NME7: variants seen among roughly 807,000 people sequenced by gnomAD.
The protein encoded by NME7 is NME/NM23 family member 7, also known as nucleoside diphosphate kinase 7.
A neutral mutation model predicts 49.1 loss-of-function variants in NME7; 41 were observed. The ratio of observed to expected loss-of-function variants is 0.83; its 90% CI spans 0.65 to 1.08. NME7 has a LOEUF of 1.08. Among genes scored for constraint, NME7 ranks in the 50% least tolerant of loss-of-function variants. The probability of loss-of-function intolerance (pLI) is 0.00; values close to 1 mark genes in which losing one functional copy is unlikely to be tolerated. For synonymous variants in NME7, 139 were observed against 150.6 expected (o/e 0.92, Z 0.56); for missense variants, 423 against 463.4 (o/e 0.91, Z 0.80).
At chr1:169,224,749 T>A (rs1459517364) in intron 10 of NME7, among the ~76,000 whole-genome samples, 1 of 152,184 alleles carries the variant, frequency 6.6e-6, no homozygotes, top group Non-Finnish European at 1.5e-5. Context: ...ATCAACTATT[T>A]ATCAAGTGTT....
At chr1:169,331,948 G>A (rs1449031347) in intron 1 of NME7, among the ~76,000 whole-genome samples, 2 of 151,764 alleles carry the variant, frequency 1.3e-5, no homozygotes, top group East Asian at 1.9e-4. Context: ...GTTCTTCAAA[G>A]AATAGAAATA....
chr1:169,134,382 G>A (rs1658358605), intron 11 of NME7, among the ~76,000 whole-genome samples: 1 of 152,024 alleles, frequency 6.6e-6, no homozygotes, highest in Non-Finnish European at 1.5e-5. Flanking sequence ...TATCTCCCTT[G>A]GGGTGTTCTT....
At chr1:169,183,860 AT>A (rs1368126323) in intron 10 of NME7, among the ~76,000 whole-genome samples, 2 of 152,170 alleles carry the variant, frequency 1.3e-5, no homozygotes, top group African/African-American at 4.8e-5. Flanking sequence ...GTATTATCCT[AT>A]TAATGAGAAC....
chr1:169,282,254 C>T (rs779146813), intron 7 of NME7, among the ~76,000 whole-genome samples: 2 of 152,192 alleles, frequency 1.3e-5, no homozygotes, highest in African/African-American at 2.4e-5. Flanking sequence ...TTAAAATATT[C>T]TCTGACGGTA....
chr1:169,320,075 A>T (rs1379911357), intron 3 of NME7, among the ~76,000 whole-genome samples: 2 of 152,190 alleles, frequency 1.3e-5, no homozygotes. Context: ...ACATATACAT[A>T]TTGACTCATC....
chr1:169,311,288 G>A (rs557797676), intron 3 of NME7, among the ~76,000 whole-genome samples: 11 of 151,856 alleles, frequency 7.2e-5, no homozygotes, highest in Admixed American at 7.2e-4. Context: ...CAAGGTGGCG[G>A]GCTACTACTA....
At position 169,270,041 on chromosome 1, in the gene NME7, G is replaced by A. The variant is rs551039809; in HGVS notation, c.754+17262C>T. On this transcript the variant is annotated intron_variant, in intron 7 of 11. Transcript: ENST00000367811. ...CTACCTCGGCCTCCTAGAGTACTGGGATTACTGGCATGAGCCACCATGCCT... is the reference window on the plus strand; with the variant it reads ...CTACCTCGGCCTCCTAGAGTACTGGAATTACTGGCATGAGCCACCATGCCT... 3.9e-3 allele frequency among the ~76,000 whole-genome samples: 518 copies of A among 133,290 alleles called. 67 individuals are homozygous for A. The highest frequency in any genetic ancestry group is 0.012 in the African/African-American group (476 of 39,456). 87.4% of individuals were successfully genotyped at this position (133,290 alleles called of 152,430 possible).
At chr1:169,340,328 C>T (rs886980780) in intron 1 of NME7, among the ~76,000 whole-genome samples, 39 of 152,178 alleles carry the variant, frequency 2.6e-4, no homozygotes, top group African/African-American at 9.4e-4. Context: ...GAGGAAGATG[C>T]CTGCTTCCCT....
rs935177767 is a variant in NME7 at position 169,170,170 on chromosome 1, C to T, written c.991-616G>A. Reference sequence around the variant, plus strand: ...GAGAGCTGGAAAGTTAAAAGATACTCGAGACTGAGATTACTGTGGGTGGGA... The same window carrying T: ...GAGAGCTGGAAAGTTAAAAGATACTTGAGACTGAGATTACTGTGGGTGGGA... On this transcript the variant is annotated intron_variant, in intron 10 of 11. Transcript: ENST00000367811. Among the ~76,000 whole-genome samples the T allele has an allele frequency of 5.3e-5, 8 of 152,174 alleles. No individual in the cohort carries two copies. In the East Asian group the frequency reaches 5.8e-4, roughly 11 times the overall value.
chr1:169,292,929 G>T (rs1203925321), intron 6 of NME7, among the ~76,000 whole-genome samples: 2 of 152,072 alleles, frequency 1.3e-5, no homozygotes, highest in Non-Finnish European at 2.9e-5. Context: ...AAACAGGGCA[G>T]AAGAAAGAAT....
At position 169,272,990 on chromosome 1, in the gene NME7, G is replaced by C. The variant is rs1353389152; in HGVS notation, c.754+14313C>G. On this transcript the variant is annotated intron_variant, in intron 7 of 11. Transcript: ENST00000367811. ...CTTGACTTTTCAATGATCACCATTC[G>C]AACTGGCGTGAGATGGTATCTCATT... 1.0e-4 allele frequency among the ~76,000 whole-genome samples: 14 copies of C among 133,398 alleles called. 1 individual carries two copies. In the East Asian group the frequency reaches 2.8e-3, roughly 27 times the overall value. 87.5% of individuals were successfully genotyped at this position (133,398 alleles called of 152,430 possible).
chr1:169,186,213 C>T (rs74947652), intron 10 of NME7, among the ~76,000 whole-genome samples: 2,200 of 152,094 alleles, frequency 0.014, 49 homozygotes, highest in African/African-American at 0.048. Flanking sequence ...CTAATTGTTG[C>T]TTTTAAATGG....
At position 169,267,161 on chromosome 1, in the gene NME7, A is replaced by C. The variant is rs1649342566; in HGVS notation, c.754+20142T>G. ...AGAGCCAAATCAGGAATACAATCCC[A>C]TTTACAATTGCCACAAAAAGAGTAA... On this transcript the variant is annotated intron_variant, in intron 7 of 11. Transcript: ENST00000367811. 2.2e-5 allele frequency among the ~76,000 whole-genome samples: 3 copies of C among 134,020 alleles called. 1 individual carries two copies. Among genetic ancestry groups the C allele is most frequent in the Non-Finnish European group, 5.3e-5 (3 of 57,130 alleles). The allele number at this position is 134,020 out of a possible 152,430, so 87.9% of individuals were successfully genotyped here.
intron 6 of NME7, among the ~76,000 whole-genome samples, chr1:169,291,510 G>A (rs1650501733): frequency 6.6e-6 from 1 of 152,044 alleles, no homozygotes; most frequent in Non-Finnish European, 1.5e-5. Context: ...TGCGGGGTGG[G>A]GGGCTAGGGG....
At chr1:169,284,565 T>C (rs1217669169) in intron 7 of NME7, 5 of 152,204 alleles carry the variant, frequency 3.3e-5, no homozygotes, top group African/African-American at 1.2e-4. Context: ...TTCATTTTGC[T>C]GTACAGAAGC....
chr1:169,138,282 A>G (rs1210694375), intron 11 of NME7, among the ~76,000 whole-genome samples: 2 of 151,904 alleles, frequency 1.3e-5, no homozygotes, highest in East Asian at 1.9e-4. Context: ...CTGCACTCCA[A>G]CCTGGGTGAC....
At chr1:169,348,086 C>T (rs931975501) in intron 1 of NME7, among the ~76,000 whole-genome samples, 1 of 152,092 alleles carries the variant, frequency 6.6e-6, no homozygotes, top group Non-Finnish European at 1.5e-5. Context: ...GGAGAAAATA[C>T]TGTGTTTACA....
intron 3 of NME7, among the ~76,000 whole-genome samples, chr1:169,319,282 T>A (rs941620175): frequency 6.6e-6 from 1 of 152,150 alleles, no homozygotes; most frequent in Non-Finnish European, 1.5e-5. Context: ...AAACGTATAG[T>A]TCATATGAGT....
chr1:169,167,992 T>G (rs1170979459), intron 11 of NME7, among the ~76,000 whole-genome samples: 1 of 152,182 alleles, frequency 6.6e-6, no homozygotes, highest in Non-Finnish European at 1.5e-5. Context: ...GGTTGTTAAC[T>G]GTCTCTCTGA....
Sources: allele counts gnomAD v4.1 joint callset (sites outside exome capture counted in the v4.1 genomes callset), GRCh38; gene constraint gnomAD v4.1.1; transcripts MANE v1.5; gene names NCBI Gene and HGNC (gene_info 2026-07-23, HGNC 2026-07-21).